DAPK2: variants seen among roughly 807,000 people sequenced by gnomAD.
DAPK2 encodes the protein death associated protein kinase 2.
Under a neutral mutation model 44.1 loss-of-function variants are expected in DAPK2, and 35 were observed. The ratio of observed to expected loss-of-function variants is 0.79; its 90% CI spans 0.61 to 1.05. The LOEUF (loss-of-function observed/expected upper bound fraction) is 1.05, where lower values mean the gene tolerates loss of function less well. Ranked by LOEUF, DAPK2 falls within the 50% of genes least tolerant of loss-of-function variation. The pLI, the probability that DAPK2 is intolerant of heterozygous loss-of-function variation, is 0.00. For missense variants in DAPK2, 453 were observed against 483.2 expected (o/e 0.94, Z 0.59); for synonymous variants, 174 against 182.6 (o/e 0.95, Z 0.38).
intron 1 of DAPK2, among the ~76,000 whole-genome samples, chr15:64,017,793 T>A (rs2079570974): frequency 6.6e-6 from 1 of 152,220 alleles, no homozygotes; most frequent in South Asian, 2.1e-4. Flanking sequence ...ATTATTACAA[T>A]GATTCCCATT....
intron 1 of DAPK2, among the ~76,000 whole-genome samples, chr15:63,994,675 C>T (rs928746220): frequency 6.6e-6 from 1 of 151,456 alleles, no homozygotes; most frequent in Non-Finnish European, 1.5e-5. Flanking sequence ...CTGCAACCTC[C>T]GCCTCCCGGG....
At chr15:63,942,629 C>A (rs747975033) in intron 3 of DAPK2, among the ~76,000 whole-genome samples, 1 of 152,142 alleles carries the variant, frequency 6.6e-6, no homozygotes, top group East Asian at 1.9e-4. Flanking sequence ...ATGTTTCCCC[C>A]GCCCGAGTCT....
At chr15:63,995,550 C>T (rs535805017) in intron 1 of DAPK2, among the ~76,000 whole-genome samples, 2 of 152,348 alleles carry the variant, frequency 1.3e-5, no homozygotes, top group East Asian at 3.9e-4. Flanking sequence ...CTTAGGGCTA[C>T]TCTGAAGGGA....
At chr15:63,950,325 C>T (rs2077553737) in intron 3 of DAPK2, among the ~76,000 whole-genome samples, 1 of 152,134 alleles carries the variant, frequency 6.6e-6, no homozygotes, top group East Asian at 1.9e-4. Context: ...AAGTGATCCT[C>T]CCATCTCAGC....
chr15:63,924,930 C>T, intron 7 of DAPK2, 69 bp from the exon 9 acceptor site: 3 of 1,556,102 alleles, frequency 1.9e-6, no homozygotes, highest in Non-Finnish European at 2.6e-6. Context: ...TCTCCGTTCT[C>T]ACTCTTTTTA....
In DAPK2 at chr15:63,923,625, G is replaced by T. The variant is rs1051011529; in HGVS notation, c.858+1191C>A. Reference sequence around the variant, plus strand: ...AAGGGGTGCTCACGCAGACAAGCAGGCTGCAGCCAGGACTCCGCAGGCATC... The same window carrying T: ...AAGGGGTGCTCACGCAGACAAGCAGTCTGCAGCCAGGACTCCGCAGGCATC... On this transcript the variant is annotated intron_variant, in intron 8 of 10. Coordinates refer to ENST00000261891, the Ensembl canonical transcript of DAPK2. The surrounding 1 kb of genome is among the most constrained non-coding windows in gnomAD (Gnocchi z 4.2). Among the ~76,000 whole-genome samples the T allele has an allele frequency of 6.6e-6, 1 of 152,248 alleles. No homozygotes were observed. The highest frequency in any genetic ancestry group is 2.4e-5 in the African/African-American group (1 of 41,470).
At chr15:63,911,784 C>A in intron 10 of DAPK2, 124 bp downstream of exon 11, 1 of 941,728 alleles carries the variant, frequency 1.1e-6, no homozygotes, top group Admixed American at 2.1e-5. Context: ...GAGGACTGGG[C>A]CAGCAGAACT....
chr15:64,021,565 A>G (rs11635284), intron 1 of DAPK2, among the ~76,000 whole-genome samples: 30,876 of 152,150 alleles, frequency 0.2, 3,228 homozygotes, highest in South Asian at 0.25. Flanking sequence ...GCCATATGCT[A>G]GAGGTGGAAG....
At chr15:64,037,816 G>A (rs2080250181) in intron 1 of DAPK2, among the ~76,000 whole-genome samples, 1 of 152,148 alleles carries the variant, frequency 6.6e-6, no homozygotes, top group Non-Finnish European at 1.5e-5. Context: ...TAGGTCATCT[G>A]GCCTAGACCA....
At chr15:63,965,936 G>A (rs1259434385) in intron 3 of DAPK2, among the ~76,000 whole-genome samples, 2 of 152,208 alleles carry the variant, frequency 1.3e-5, no homozygotes, top group East Asian at 3.9e-4. Flanking sequence ...AGCCCACTTG[G>A]TTCTCTACCC....
chr15:64,018,820 G>A (rs2079605516), intron 1 of DAPK2, among the ~76,000 whole-genome samples: 1 of 152,200 alleles, frequency 6.6e-6, no homozygotes, highest in Admixed American at 6.5e-5. Context: ...TCTGTTTTCT[G>A]TTGCAAAACT....
At chr15:63,909,944 C>A (rs988485549) in intron 10 of DAPK2, among the ~76,000 whole-genome samples, 1 of 152,244 alleles carries the variant, frequency 6.6e-6, no homozygotes, top group African/African-American at 2.4e-5. Flanking sequence ...GCCTTTTCCC[C>A]TTCCTCCAGC....
At chr15:63,938,030 A>G (rs1441137680) in intron 4 of DAPK2, among the ~76,000 whole-genome samples, 1 of 151,960 alleles carries the variant, frequency 6.6e-6, no homozygotes, top group Non-Finnish European at 1.5e-5. Flanking sequence ...ACCTGAGTTT[A>G]CCTTAACTAA....
intron 1 of DAPK2, chr15:63,991,387 G>A: frequency 2.2e-6 from 1 of 454,232 alleles, no homozygotes; most frequent in South Asian, 1.6e-5. Context: ...TGCCTAATAT[G>A]ACTCTTCTCC....
At chr15:63,943,749 G>A (rs542310580) in intron 3 of DAPK2, among the ~76,000 whole-genome samples, 12 of 152,028 alleles carry the variant, frequency 7.9e-5, no homozygotes, top group East Asian at 3.9e-4. Flanking sequence ...GGTGGCACAC[G>A]CCTGTAGTTG....
chr15:63,959,583 G>A (rs2077826403), intron 3 of DAPK2, among the ~76,000 whole-genome samples: 1 of 152,140 alleles, frequency 6.6e-6, no homozygotes, highest in African/African-American at 2.4e-5. Flanking sequence ...GAATTTTGTT[G>A]AGGGCCTTTT....
At chr15:64,007,147 T>A (rs2079255329) in intron 1 of DAPK2, among the ~76,000 whole-genome samples, 3 of 152,088 alleles carry the variant, frequency 2.0e-5, no homozygotes, top group Non-Finnish European at 4.4e-5. Context: ...ATTTTTTTTT[T>A]AGAGACGGGG....
intron 3 of DAPK2, among the ~76,000 whole-genome samples, chr15:63,945,920 T>C (rs952427649): frequency 1.3e-5 from 2 of 152,356 alleles, no homozygotes; most frequent in East Asian, 3.9e-4. Flanking sequence ...CACACACTGC[T>C]GGGTCCAAGC....
intron 3 of DAPK2, among the ~76,000 whole-genome samples, chr15:63,947,990 G>A (rs1211790435): frequency 3.3e-5 from 5 of 152,230 alleles, no homozygotes; most frequent in Non-Finnish European, 7.4e-5. Context: ...AATACCTGAT[G>A]GGCGCAGTGG....
Sources: allele counts gnomAD v4.1 joint callset (sites outside exome capture counted in the v4.1 genomes callset), GRCh38; gene constraint gnomAD v4.1.1; non-coding constraint Gnocchi (gnomAD v3.1); transcripts MANE v1.5; gene names NCBI Gene and HGNC (gene_info 2026-07-23, HGNC 2026-07-21).